The following CMKLR2 variants were observed in gnomAD, a reference collection of about 807,000 sequenced individuals.
The protein encoded by CMKLR2 is chemerin-like receptor 2.
CMKLR2 carries 18 observed loss-of-function variants against 23.0 expected under a neutral mutation model. The observed-to-expected ratio is 0.78, with a 90% confidence interval of 0.54 to 1.16. The LOEUF (loss-of-function observed/expected upper bound fraction) is 1.16, where lower values mean the gene tolerates loss of function less well. CMKLR2 is among the 50% of genes most tolerant of loss of function. The pLI, the probability that CMKLR2 is intolerant of heterozygous loss-of-function variation, is 0.00. For missense variants in CMKLR2, 401 were observed against 412.7 expected (o/e 0.97, Z 0.25); for synonymous variants, 158 against 158.9 (o/e 0.99, Z 0.05).
intron 1 of CMKLR2, among the ~76,000 whole-genome samples, chr2:206,189,822 G>A (rs1162212047): frequency 6.6e-6 from 1 of 152,094 alleles, no homozygotes; most frequent in Non-Finnish European, 1.5e-5. Flanking sequence ...GTTGCCCCAG[G>A]GGGTGGTATT....
Position 206,176,583 on chromosome 2 carries a change from A to G in CMKLR2, c.665T>C (p.Met222Thr). 1 of 1,614,026 alleles carries G rather than the reference A, an allele frequency of 6.2e-7. No individual in the cohort carries two copies. The highest frequency in any genetic ancestry group is 8.5e-7 in the Non-Finnish European group (1 of 1,179,900). The change falls in exon 2 of 2, where the codon ATG becomes ACG. Residue 222 changes from methionine (M) to threonine (T), a missense_variant. Met to Thr is a moderately conservative substitution (Grantham distance 81). Coordinates refer to ENST00000621141, the MANE Select transcript of CMKLR2 (RefSeq NM_001389445.1). ...IIGYLFPLLTMSICYLCLIFK... is the reference protein window; with the variant it reads ...IIGYLFPLLTTSICYLCLIFK... The stretch of plus-strand genomic sequence containing the variant: ...GATGAGACACAAGTAGCAAATACTC[A>G]TTGTTAGCAAAGGGAAGAGATAGCC...
intron 1 of CMKLR2, among the ~76,000 whole-genome samples, chr2:206,197,814 C>T (rs930723539): frequency 1.3e-5 from 2 of 152,202 alleles, no homozygotes; most frequent in Non-Finnish European, 2.9e-5. Flanking sequence ...CAGGTGTGAG[C>T]CACCATGCTC....
chr2:206,177,184 A>G lies in CMKLR2; in HGVS notation c.64T>C (p.Tyr22His). Residue 22 changes from tyrosine (Y) to histidine (H), a missense_variant, in exon 2 of 2, where the codon TAC (tyrosine) becomes CAC (histidine). Physicochemically the swap from Tyr to His is moderately conservative, Grantham distance 83 (BLOSUM62 2). Transcript: ENST00000621141. ...TCCTCCAAATCAGACTCCAGAGAGT[A>G]ATAGTCTAGGTCATAGGAATAGTTT... ...FENYSYDLDYYSLESDLEEKV... is the reference protein window; with the variant it reads ...FENYSYDLDYHSLESDLEEKV... 6.2e-7 allele frequency: 1 copy of G among 1,613,914 alleles called. No individual in the cohort carries two copies. The highest frequency in any genetic ancestry group is 1.6e-4 in the Middle Eastern group (1 of 6,062).
In CMKLR2 at chr2:206,176,481, A is replaced by G. The variant is rs200520559; in HGVS notation, c.767T>C (p.Val256Ala). 16 of 1,614,240 alleles carry G rather than the reference A, an allele frequency of 9.9e-6. No individual in the cohort carries two copies. In the East Asian group the frequency reaches 1.6e-4, roughly 16 times the overall value. The change falls in exon 2 of 2, where the codon GTG becomes GCG. Residue 256 changes from valine (V) to alanine (A), a missense_variant. Coordinates refer to ENST00000621141, the MANE Select transcript of CMKLR2 (RefSeq NM_001389445.1). ...WTILVVVVAF[V>A]VCWTPYHLFS... ...CAGGTGATAAGGAGTCCAGCAAACC[A>G]CAAAGGCCACAACCACAACCAGAAT...
At chr2:206,188,776 C>A (rs186064164) in intron 1 of CMKLR2, among the ~76,000 whole-genome samples, 50 of 152,250 alleles carry the variant, frequency 3.3e-4, no homozygotes, top group African/African-American at 1.2e-3. Flanking sequence ...CATAGAACTA[C>A]CTATTGAATT....
At chr2:206,202,717 C>T (rs956609836) in intron 1 of CMKLR2, among the ~76,000 whole-genome samples, 2 of 150,036 alleles carry the variant, frequency 1.3e-5, no homozygotes, top group Non-Finnish European at 3.0e-5. Flanking sequence ...GTGGCAGCGG[C>T]GGGGGGCTGG....
At chr2:206,216,755 C>A (rs1055013258), upstream of CMKLR2, among the ~76,000 whole-genome samples, 3 of 152,100 alleles carry the variant, frequency 2.0e-5, no homozygotes, top group Non-Finnish European at 4.4e-5. Context: ...GAAAACTGTT[C>A]TTTTGAAGAT....
chr2:206,183,052 G>C (rs1300923400), intron 1 of CMKLR2, among the ~76,000 whole-genome samples: 2 of 152,070 alleles, frequency 1.3e-5, no homozygotes, highest in African/African-American at 4.8e-5. Context: ...ATCTCACTCT[G>C]CCCTCTCACT....
At chr2:206,184,300 C>CTCTT (rs1553513585) in intron 1 of CMKLR2, among the ~76,000 whole-genome samples, 2 of 142,454 alleles carry the variant, frequency 1.4e-5, no homozygotes, top group African/African-American at 2.6e-5. Flanking sequence ...CTCTCTCTCT[C>CTCTT]TTTTTTTTTT....
At chr2:206,179,055 C>CTTTTTTTTTT (rs71034421) in intron 1 of CMKLR2, among the ~76,000 whole-genome samples, 1 of 49,318 alleles carries the variant, frequency 2.0e-5, no homozygotes. Flanking sequence ...CTCCCTGTCC[C>CTTTTTTTTTT]TTTTTTTTTT....
chr2:206,203,979 A>G (rs553818220), intron 1 of CMKLR2: 1 of 152,338 alleles, frequency 6.6e-6, no homozygotes, highest in South Asian at 2.1e-4. Flanking sequence ...AAACTGTTCT[A>G]GGTTTATTGT....
At chr2:206,209,599 G>A (rs1171961767) in intron 1 of CMKLR2, among the ~76,000 whole-genome samples, 1 of 150,524 alleles carries the variant, frequency 6.6e-6, no homozygotes. Flanking sequence ...TCATCATTCA[G>A]TTCTTACTTA....
intron 1 of CMKLR2, among the ~76,000 whole-genome samples, chr2:206,210,178 C>A (rs1049235226): frequency 6.6e-6 from 1 of 150,516 alleles, no homozygotes; most frequent in Non-Finnish European, 1.5e-5. Flanking sequence ...CGGCCAGGCT[C>A]AGGTGATCTG....
At chr2:206,206,966 G>A (rs868265946) in intron 1 of CMKLR2, among the ~76,000 whole-genome samples, 2 of 142,570 alleles carry the variant, frequency 1.4e-5, no homozygotes, top group Admixed American at 7.2e-5. Context: ...TGTTGAGGAC[G>A]TAGAAAAGCC....
chr2:206,198,532 C>G (rs1688989894), intron 1 of CMKLR2, among the ~76,000 whole-genome samples: 1 of 152,194 alleles, frequency 6.6e-6, no homozygotes, highest in Non-Finnish European at 1.5e-5. Context: ...AAACTAGCAC[C>G]AAATCCGGTC....
At chr2:206,184,284 A>G (rs1032390179) in intron 1 of CMKLR2, among the ~76,000 whole-genome samples, 2 of 139,782 alleles carry the variant, frequency 1.4e-5, no homozygotes, top group Non-Finnish European at 3.1e-5. Context: ...TAAAAACCCC[A>G]TTTCTCTCTC....
chr2:206,214,165 A>ATTTTTTTTTTTTTTTTTTTT (rs34307347), upstream of CMKLR2, among the ~76,000 whole-genome samples: 8 of 64,940 alleles, frequency 1.2e-4, 1 homozygote, highest in Admixed American at 9.6e-4. Flanking sequence ...TAAAGACTTG[A>ATTTTTTTTTTTTTTTTTTTT]TTTTTTTTTT....
At chr2:206,204,692 G>A (rs1246961633) in intron 1 of CMKLR2, among the ~76,000 whole-genome samples, 1 of 151,844 alleles carries the variant, frequency 6.6e-6, no homozygotes, top group Non-Finnish European at 1.5e-5. Flanking sequence ...CCTGAGTAGC[G>A]GGGATTACAG....
upstream of CMKLR2, among the ~76,000 whole-genome samples, chr2:206,215,963 T>C (rs931404912): frequency 6.6e-6 from 1 of 152,150 alleles, no homozygotes; most frequent in African/African-American, 2.4e-5. Flanking sequence ...AACTTAACCA[T>C]TGGGCTATCC....
Sources: gnomAD v4.1 joint callset for allele counts (sites outside exome capture counted in the v4.1 genomes callset) on GRCh38, gnomAD v4.1.1 for gene constraint, MANE v1.5 for transcripts, NCBI Gene and HGNC (gene_info 2026-07-23, HGNC 2026-07-21) for gene names.